The following DERA variants were observed in gnomAD, a reference collection of about 807,000 sequenced individuals.
DERA encodes the protein deoxyribose-phosphate aldolase.
In DERA, 15 loss-of-function variants were observed where a neutral mutation model predicts 41.1. The observed-to-expected ratio is 0.37, with a 90% CI of 0.24 to 0.56. The LOEUF is 0.56. Among genes scored for constraint, DERA ranks in the 20% least tolerant of loss-of-function variants. DERA has a pLI of 0.81. For synonymous variants in DERA, 139 were observed against 137.4 expected (o/e 1.01, Z -0.08); for missense variants, 396 against 403.4 (o/e 0.98, Z 0.16).
chr12:15,960,825 A>G (rs538802008), intron 4 of DERA, among the ~76,000 whole-genome samples: 1 of 152,278 alleles, frequency 6.6e-6, no homozygotes, highest in South Asian at 2.1e-4. Flanking sequence ...GTAGGGAACC[A>G]CATGTTAGAC....
At position 15,936,855 on chromosome 12, in the gene DERA, C is replaced by CTTGTCTTGTG. The variant is rs1948367986; in HGVS notation, c.32-20072_32-20071insGTTGTCTTGT. On this transcript the variant is annotated intron_variant, in intron 1 of 8. Coordinates refer to ENST00000428559, the MANE Select transcript of DERA (RefSeq NM_015954.4). This position sits in a 1 kb window ranked among gnomAD's most constrained non-coding sequence, Gnocchi z 4.6. Reference sequence around the variant, plus strand: ...TTCTGCATCTTCTGTCTTGTGTTGTCTTGTCTTGTCTTGTCTTGTCTTGTC... The same window carrying CTTGTCTTGTG: ...TTCTGCATCTTCTGTCTTGTGTTGTCTTGTCTTGTGTTGTCTTGTCTTGTCTTGTCTTGTC... Among the ~76,000 whole-genome samples, 2 of 128,180 alleles carry CTTGTCTTGTG rather than the reference C, an allele frequency of 1.6e-5. No individual in the cohort carries two copies. The highest frequency in any genetic ancestry group is 3.2e-5 in the African/African-American group (1 of 30,858). The allele number at this position is 128,180 out of a possible 152,430, so 84.1% of individuals were successfully genotyped here.
rs529396363 is a variant in DERA at position 15,959,241 on chromosome 12, T to TTGA, written c.278-585_278-583dup. On this transcript the variant is annotated intron_variant, in intron 3 of 8. Transcript: ENST00000428559. The surrounding 1 kb of genome is among the most constrained non-coding windows in gnomAD (Gnocchi z 4.5). ...ATTTATTGCACTTAAAGGTAACAACTTGATGTAAGGTCTTATGATATTGCT... is the reference window on the plus strand; with the variant it reads ...ATTTATTGCACTTAAAGGTAACAACTTGATGATGTAAGGTCTTATGATATTGCT... Among the ~76,000 whole-genome samples the TTGA allele has an allele frequency of 6.4e-4, 98 of 152,324 alleles. No individual in the cohort carries two copies. The highest frequency in any genetic ancestry group is 2.2e-3 in the African/African-American group (91 of 41,584).
chr12:15,949,477 T>TGGGCGTGGGACCCTCTGAGCC (rs1309329699), intron 1 of DERA, among the ~76,000 whole-genome samples: 1 of 135,910 alleles, frequency 7.4e-6, no homozygotes, highest in Non-Finnish European at 1.6e-5. Context: ...CAAGGCTCCG[T>TGGGCGTGGGACCCTCTGAGCC]GGGCGTGGGA....
rs74065507 is a variant in DERA at position 15,918,930 on chromosome 12, G to A, written c.31+7516G>A. On this transcript the variant is annotated intron_variant, in intron 1 of 8. Coordinates refer to ENST00000428559, the MANE Select transcript of DERA (RefSeq NM_015954.4). The surrounding 1 kb of genome is among the most constrained non-coding windows in gnomAD (Gnocchi z 4.3). The stretch of plus-strand genomic sequence containing the variant: ...GGAACTCAATTTTCAGGTATCTAGT[G>A]TAATCTTCTCATTATACTATAATGG... 0.083 allele frequency among the ~76,000 whole-genome samples: 12,642 copies of A among 152,046 alleles called. 1,755 individuals are homozygous for A. The highest frequency in any genetic ancestry group is 0.28 in the African/African-American group (11,734 of 41,374).
chr12:16,003,518 C>T lies in DERA; in HGVS notation c.637+21082C>T, dbSNP rs74063611. Among the ~76,000 whole-genome samples the T allele has an allele frequency of 0.084, 12,761 of 152,022 alleles. 1,620 individuals carry two copies. Among genetic ancestry groups the T allele is most frequent in the African/African-American group, 0.27 (11,053 of 41,392 alleles). Reference sequence around the variant, plus strand: ...CTTGTGTGCCTAAGGGCTGAGTGTTCGTTTTAGGTAAGAGAGAAACTGTGA... The same window carrying T: ...CTTGTGTGCCTAAGGGCTGAGTGTTTGTTTTAGGTAAGAGAGAAACTGTGA... On this transcript the variant is annotated intron_variant, in intron 6 of 8. Transcript: ENST00000428559. This position sits in a 1 kb window ranked among gnomAD's most constrained non-coding sequence, Gnocchi z 4.8.
chr12:15,942,010 T>A (rs2136136695), intron 1 of DERA, among the ~76,000 whole-genome samples: 1 of 152,338 alleles, frequency 6.6e-6, no homozygotes, highest in East Asian at 1.9e-4. Flanking sequence ...TTCACCACAT[T>A]TATATCAACG....
Position 15,958,174 on chromosome 12 carries a change from T to C in DERA, c.130-14T>C. The C allele has an allele frequency of 6.5e-7, 1 of 1,530,458 alleles. No homozygotes were observed. The highest frequency in any genetic ancestry group is 8.8e-7 in the Non-Finnish European group (1 of 1,140,292). 94.8% of individuals were successfully genotyped at this position (1,530,458 alleles called of 1,614,324 possible). A position where few individuals can be genotyped will look rare whatever the true frequency, so the allele number is the denominator to read the frequency against. On this transcript the variant is annotated splice_polypyrimidine_tract_variant and intron_variant, in intron 2 of 8. Coordinates refer to ENST00000428559, the MANE Select transcript of DERA (RefSeq NM_015954.4). ...TTATTAAATTTACTTTGTTTTCACT[T>C]TTGTTTAAACCAGGCTGCTTGGCTC...
At chr12:16,029,860 G>A (rs1411805643) in intron 6 of DERA, among the ~76,000 whole-genome samples, 1 of 144,376 alleles carries the variant, frequency 6.9e-6, no homozygotes, top group East Asian at 2.1e-4. Flanking sequence ...TTTAGATGGT[G>A]TGGTTTTTAA....
rs577600974 is a variant in DERA, at chr12:15,984,181, C to T, written c.637+1745C>T. On this transcript the variant is annotated intron_variant, in intron 6 of 8. Transcript: ENST00000428559. The surrounding 1 kb of genome is among the most constrained non-coding windows in gnomAD (Gnocchi z 4.5). ...GATACTCCTCAGGGTCACATCGGAG[C>T]CAATCTTGTGATACCTGTTACCCCA... Among the ~76,000 whole-genome samples, 2 of 152,226 alleles carry T rather than the reference C, an allele frequency of 1.3e-5. No homozygotes were observed. Among genetic ancestry groups the T allele is most frequent in the African/African-American group, 4.8e-5 (2 of 41,532 alleles).
At position 15,932,773 on chromosome 12, in the gene DERA, T is replaced by C. The variant is rs535728068; in HGVS notation, c.31+21359T>C. 1.5e-4 allele frequency among the ~76,000 whole-genome samples: 23 copies of C among 152,358 alleles called. No homozygotes were observed. The East Asian group carries it at 4.4e-3, about 29-fold the overall frequency. On this transcript the variant is annotated intron_variant, in intron 1 of 8. Transcript: ENST00000428559. ...ATTGTTATTAACTGTAGTTAACATA[T>C]TGTACAGTAGATCTCTTGAACTCAA...
chr12:15,933,169 C>G (rs1948341549), intron 1 of DERA, among the ~76,000 whole-genome samples: 2 of 152,148 alleles, frequency 1.3e-5, no homozygotes, highest in East Asian at 1.9e-4. Flanking sequence ...ACTTCACTTC[C>G]TTTGGATATA....
chr12:16,006,416 AC>A (rs1344730514), intron 6 of DERA, among the ~76,000 whole-genome samples: 1 of 152,252 alleles, frequency 6.6e-6, no homozygotes, highest in Admixed American at 6.5e-5. Flanking sequence ...CAGTTAAATG[AC>A]TGTCTGGGAC....
intron 5 of DERA, among the ~76,000 whole-genome samples, chr12:15,968,171 C>T (rs963240519): frequency 6.6e-6 from 1 of 151,390 alleles, no homozygotes; most frequent in African/African-American, 2.4e-5. Context: ...AATTTACATA[C>T]AACAATGTAC....
chr12:15,962,112 G>A (rs1259693620), intron 4 of DERA, among the ~76,000 whole-genome samples: 1 of 152,194 alleles, frequency 6.6e-6, no homozygotes, highest in African/African-American at 2.4e-5. Context: ...TTAATGATGT[G>A]CATGTAAAAG....
In DERA at chr12:15,911,881, C is replaced by A; in HGVS notation, c.31+467C>A. 2 of 419,886 alleles carry A rather than the reference C, an allele frequency of 4.8e-6. No homozygotes were observed. The highest frequency in any genetic ancestry group is 4.8e-6 in the Non-Finnish European group (1 of 209,892). 26.0% of individuals were successfully genotyped at this position (419,886 alleles called of 1,614,324 possible). The stretch of plus-strand genomic sequence containing the variant: ...CCGTGCTCGTGGAAAAGTTGTCAGC[C>A]GTCTGTGCTCAAAATGTAACACTGC... On this transcript the variant is annotated intron_variant, in intron 1 of 8. Coordinates refer to ENST00000428559, the MANE Select transcript of DERA (RefSeq NM_015954.4). This position sits in a 1 kb window ranked among gnomAD's most constrained non-coding sequence, Gnocchi z 4.5.
chr12:15,935,452 A>G lies in DERA; in HGVS notation c.32-21484A>G, dbSNP rs751334491. On this transcript the variant is annotated intron_variant, in intron 1 of 8. Coordinates refer to ENST00000428559, the MANE Select transcript of DERA (RefSeq NM_015954.4). This position sits in a 1 kb window ranked among gnomAD's most constrained non-coding sequence, Gnocchi z 4.8. ...CAGTGAGCAATGATTATGCCACTGCACTCCAGCCTGGGCAACAGAGTGAGA... is the reference window on the plus strand; with the variant it reads ...CAGTGAGCAATGATTATGCCACTGCGCTCCAGCCTGGGCAACAGAGTGAGA... Among the ~76,000 whole-genome samples, 8 of 152,156 alleles carry G rather than the reference A, an allele frequency of 5.3e-5. No homozygotes were observed. Among genetic ancestry groups the G allele is most frequent in the Non-Finnish European group, 1.0e-4 (7 of 68,030 alleles).
intron 1 of DERA, among the ~76,000 whole-genome samples, chr12:15,948,334 G>A (rs1948467793): frequency 6.6e-6 from 1 of 152,172 alleles, no homozygotes; most frequent in South Asian, 2.1e-4. Context: ...TCACTTTCAG[G>A]TACACCAATC....
At position 15,972,386 on chromosome 12, in the gene DERA, C is replaced by G. The variant is rs1473371717; in HGVS notation, c.508+9439C>G. The G allele has an allele frequency of 1.3e-5, 2 of 153,252 alleles. No homozygotes were observed. Among genetic ancestry groups the G allele is most frequent in the Non-Finnish European group, 2.9e-5 (2 of 68,254 alleles). 9.5% of individuals were successfully genotyped at this position (153,252 alleles called of 1,614,324 possible). A position where few individuals can be genotyped will look rare whatever the true frequency, so the allele number is the denominator to read the frequency against. On this transcript the variant is annotated intron_variant, in intron 5 of 8. Transcript: ENST00000428559. This position sits in a 1 kb window ranked among gnomAD's most constrained non-coding sequence, Gnocchi z 4.4. ...GAACTGTGGGGTGAACTGATCACCC[C>G]ACAGTTCACCCTTTAGAGACACTGC...
rs1454904243 is a variant in DERA, at chr12:15,911,405, A to G, written c.22A>G (p.Thr8Ala). 2.9e-6 allele frequency: 4 copies of G among 1,400,280 alleles called. No homozygotes were observed. Among genetic ancestry groups the G allele is most frequent in the South Asian group, 1.6e-5 (1 of 63,780 alleles). 86.7% of individuals were successfully genotyped at this position (1,400,280 alleles called of 1,614,324 possible). MSAHNRG[T>A]ELDLSWISKI... ...CGCCATGTCCGCGCACAATCGGGGCACCGAGCTCGGTAAGGGGCCCGCGGG... is the reference window on the plus strand; with the variant it reads ...CGCCATGTCCGCGCACAATCGGGGCGCCGAGCTCGGTAAGGGGCCCGCGGG... Residue 8 changes from threonine to alanine, a missense_variant, in exon 1 of 9, where the codon ACC (threonine) becomes GCC (alanine). By Grantham distance (58) the Thr-to-Ala change is moderately conservative. Coordinates refer to ENST00000428559, the MANE Select transcript of DERA (RefSeq NM_015954.4). This position sits in a 1 kb window ranked among gnomAD's most constrained non-coding sequence, Gnocchi z 4.5.
Sources: gnomAD v4.1 joint callset for allele counts (sites outside exome capture counted in the v4.1 genomes callset) on GRCh38, gnomAD v4.1.1 for gene constraint, Gnocchi (gnomAD v3.1) non-coding constraint, MANE v1.5 for transcripts, NCBI Gene and HGNC (gene_info 2026-07-23, HGNC 2026-07-21) for gene names.